The following CSMD1 variants were observed in gnomAD, a reference collection of about 807,000 sequenced individuals.
The protein encoded by CSMD1 is CUB and sushi domain-containing protein 1.
Under a neutral mutation model 417.5 loss-of-function variants are expected in CSMD1, and 213 were observed. That is an observed-to-expected ratio of 0.51 (90% CI 0.46 to 0.57). CSMD1 has a LOEUF of 0.57. Ranked by LOEUF, CSMD1 falls within the 20% of genes least tolerant of loss-of-function variation. CSMD1 has a pLI of 0.00. For synonymous variants in CSMD1, 2,862 were observed against 1,736.8 expected, an observed-to-expected ratio of 1.65 and a Z score of -16.11; for missense variants, 6,923 against 4,529.7, an observed-to-expected ratio of 1.53 and a Z score of -15.17.
At chr8:3,182,628 G>GTAT (rs1821424910) in intron 36 of CSMD1, among the ~76,000 whole-genome samples, 1 of 40,946 alleles carries the variant, frequency 2.4e-5, no homozygotes, top group Admixed American at 2.9e-4. Flanking sequence ...GTGTGTGTGT[G>GTAT]TGTGTATTGT....
chr8:3,776,823 T>TATATATATATATATATAC (rs1173402964), intron 5 of CSMD1, among the ~76,000 whole-genome samples: 2 of 151,154 alleles, frequency 1.3e-5, no homozygotes, highest in African/African-American at 4.9e-5. Flanking sequence ...TATATATATA[T>TATATATATATATATATAC]ACAGATGACA....
intron 1 of CSMD1, among the ~76,000 whole-genome samples, chr8:4,714,083 T>C (rs1296429841): frequency 6.6e-6 from 1 of 151,982 alleles, no homozygotes; most frequent in African/African-American, 2.4e-5. Context: ...AGACAGAGGT[T>C]GCAGTGAGCC....
At chr8:3,802,477 C>T (rs909158908) in intron 5 of CSMD1, among the ~76,000 whole-genome samples, 1 of 152,090 alleles carries the variant, frequency 6.6e-6, no homozygotes, top group African/African-American at 2.4e-5. Context: ...TAAGTATCAA[C>T]TTCATTCATG....
At chr8:3,435,311 A>C (rs1020061349) in intron 12 of CSMD1, among the ~76,000 whole-genome samples, 2 of 152,300 alleles carry the variant, frequency 1.3e-5, no homozygotes, top group South Asian at 4.1e-4. Context: ...GGAAAGATGA[A>C]GCATGGGGCA....
chr8:3,410,955 C>G (rs551375306), intron 12 of CSMD1, among the ~76,000 whole-genome samples: 5 of 152,090 alleles, frequency 3.3e-5, no homozygotes, highest in Non-Finnish European at 7.4e-5. Context: ...AGAAAATGCC[C>G]TGAAGGAAGA....
At chr8:3,495,537 G>A (rs4493928) in intron 10 of CSMD1, among the ~76,000 whole-genome samples, 12,252 of 152,242 alleles carry the variant, frequency 0.08, 659 homozygotes, top group East Asian at 0.25. Context: ...ACAATCAGCA[G>A]GTCCTGTTGT....
At chr8:3,453,051 T>A (rs1472301575) in intron 12 of CSMD1, among the ~76,000 whole-genome samples, 1 of 152,188 alleles carries the variant, frequency 6.6e-6, no homozygotes, top group Non-Finnish European at 1.5e-5. Flanking sequence ...CTTGGGAGAG[T>A]GTATGTGTCG....
At chr8:4,085,764 C>T (rs1197063631) in intron 3 of CSMD1, among the ~76,000 whole-genome samples, 3 of 152,146 alleles carry the variant, frequency 2.0e-5, no homozygotes, top group South Asian at 4.2e-4. Flanking sequence ...GTGTGGCTTC[C>T]AGAAGTTAAA....
intron 17 of CSMD1, among the ~76,000 whole-genome samples, chr8:3,388,778 C>T (rs1015275262): frequency 6.6e-6 from 1 of 152,178 alleles, no homozygotes; most frequent in Non-Finnish European, 1.5e-5. Context: ...AAGCCTCCTT[C>T]CAACTCTGGA....
At chr8:3,316,452 T>C (rs1031715876) in intron 23 of CSMD1, among the ~76,000 whole-genome samples, 3 of 152,038 alleles carry the variant, frequency 2.0e-5, no homozygotes, top group Non-Finnish European at 4.4e-5. Flanking sequence ...AACAACACGA[T>C]GAATGCTATG....
intron 2 of CSMD1, among the ~76,000 whole-genome samples, chr8:4,555,076 G>C (rs1353733177): frequency 6.6e-6 from 1 of 152,202 alleles, no homozygotes; most frequent in African/African-American, 2.4e-5. Flanking sequence ...GCCATGGCAG[G>C]AATTTAGCTA....
At chr8:3,036,273 CATAA>C (rs1445764706) in intron 50 of CSMD1, among the ~76,000 whole-genome samples, 2 of 152,102 alleles carry the variant, frequency 1.3e-5, no homozygotes, top group Non-Finnish European at 2.9e-5. Context: ...GTGAGATTAC[CATAA>C]ATAAAGCCCT....
Position 3,142,487 on chromosome 8 carries a change from T to G in CSMD1, c.6219A>C (p.Gln2073His). Residue 2073 changes from glutamine to histidine, a missense_variant, in exon 41 of 70, where the codon CAA (glutamine) becomes CAC (histidine). Physicochemically the swap from Gln to His is conservative, Grantham distance 24. Transcript: ENST00000635120. ...TACCTTGGTAAGCAAGTTTAAATCC[T>G]TGCCGGTTTTGCGAATGGTCACTAT... is the stretch of plus-strand genomic sequence containing the variant. ...HFYSDHSQNRQGFKLAYQAYE... is the reference protein window; with the variant it reads ...HFYSDHSQNRHGFKLAYQAYE... 6.2e-7 allele frequency: 1 copy of G among 1,613,868 alleles called. No homozygotes were observed. Among genetic ancestry groups the G allele is most frequent in the Non-Finnish European group, 8.5e-7 (1 of 1,179,786 alleles).
At chr8:3,342,994 A>C (rs1293973561) in intron 23 of CSMD1, among the ~76,000 whole-genome samples, 1 of 152,098 alleles carries the variant, frequency 6.6e-6, no homozygotes. Context: ...AATTTGTATC[A>C]ATGTATACTA....
intron 1 of CSMD1, among the ~76,000 whole-genome samples, chr8:4,657,031 A>G (rs770908879): frequency 6.6e-6 from 1 of 152,188 alleles, no homozygotes; most frequent in Non-Finnish European, 1.5e-5. Context: ...CCACCAGGAC[A>G]CGCAAAAGAT....
At chr8:4,943,709 T>C (rs375215800) in intron 1 of CSMD1, among the ~76,000 whole-genome samples, 3 of 152,260 alleles carry the variant, frequency 2.0e-5, no homozygotes. Context: ...ATGTCATTCC[T>C]AAAAACATTT....
At chr8:4,740,402 T>A (rs1438496691) in intron 1 of CSMD1, among the ~76,000 whole-genome samples, 1 of 152,186 alleles carries the variant, frequency 6.6e-6, no homozygotes, top group Non-Finnish European at 1.5e-5. Flanking sequence ...AATAGCAGCC[T>A]CTATTTTTTT....
intron 3 of CSMD1, among the ~76,000 whole-genome samples, chr8:4,045,055 G>A (rs1458219581): frequency 6.6e-6 from 1 of 152,204 alleles, no homozygotes; most frequent in Admixed American, 6.5e-5. Flanking sequence ...TTACAGGAAA[G>A]CCTTGTGCCT....
At chr8:4,450,252 T>C (rs764483605) in intron 2 of CSMD1, among the ~76,000 whole-genome samples, 5 of 152,198 alleles carry the variant, frequency 3.3e-5, no homozygotes. Context: ...AGAGACAGTG[T>C]CTGATCTTCA....
Sources: allele counts gnomAD v4.1 joint callset (sites outside exome capture counted in the v4.1 genomes callset), GRCh38; gene constraint gnomAD v4.1.1; transcripts MANE v1.5; gene names NCBI Gene and HGNC (gene_info 2026-07-23, HGNC 2026-07-21).